ROBO2: variants seen among roughly 807,000 people sequenced by gnomAD.
The protein encoded by ROBO2 is roundabout guidance receptor 2, also known as roundabout homolog 2.
A neutral mutation model predicts 160.8 loss-of-function variants in ROBO2; 53 were observed. That is an observed-to-expected ratio of 0.33 (90% CI 0.26 to 0.41). The LOEUF (loss-of-function observed/expected upper bound fraction) is 0.41, where lower values mean the gene tolerates loss of function less well. Among genes scored for constraint, ROBO2 ranks in the 10% least tolerant of loss-of-function variants. ROBO2 has a pLI of 1.00. For missense variants in ROBO2, 1,577 were observed against 1,722.4 expected (o/e 0.92, Z 1.49); for synonymous variants, 664 against 611.7 (o/e 1.09, Z -1.26).
intron 2 of ROBO2, among the ~76,000 whole-genome samples, chr3:77,358,049 A>G (rs1004349360): frequency 1.3e-5 from 2 of 152,196 alleles, no homozygotes; most frequent in African/African-American, 4.8e-5. Flanking sequence ...ACACAGGTTT[A>G]TTGGTTTGCA....
chr3:77,430,268 G>A (rs2078638766), intron 2 of ROBO2, among the ~76,000 whole-genome samples: 1 of 152,096 alleles, frequency 6.6e-6, no homozygotes, highest in Admixed American at 6.5e-5. Flanking sequence ...GCTTGGAAAG[G>A]AAGGCTTTGT....
intron 2 of ROBO2, among the ~76,000 whole-genome samples, chr3:77,476,284 G>C (rs1582279628): frequency 6.6e-6 from 1 of 151,990 alleles, no homozygotes; most frequent in Admixed American, 6.6e-5. Flanking sequence ...ATCCCCAGTC[G>C]CGGCACATGA....
intron 2 of ROBO2, among the ~76,000 whole-genome samples, chr3:76,156,331 T>C (rs143473445): frequency 1.6e-3 from 241 of 152,298 alleles, no homozygotes; most frequent in African/African-American, 5.7e-3. Context: ...GTTATTTGTC[T>C]AGCCTACACA....
intron 2 of ROBO2, among the ~76,000 whole-genome samples, chr3:77,432,967 G>T (rs919051287): frequency 2.0e-5 from 3 of 152,160 alleles, no homozygotes; most frequent in Non-Finnish European, 4.4e-5. Context: ...GGATTGGATT[G>T]TTTCTTTTGG....
chr3:77,089,833 T>C (rs1019595792), intron 1 of ROBO2, among the ~76,000 whole-genome samples: 5 of 152,202 alleles, frequency 3.3e-5, no homozygotes, highest in Non-Finnish European at 7.3e-5. Context: ...CAAAGTAAGC[T>C]GGAATTTAAT....
At chr3:76,441,763 A>T (rs1381222883) in intron 2 of ROBO2, among the ~76,000 whole-genome samples, 2 of 152,216 alleles carry the variant, frequency 1.3e-5, no homozygotes, top group African/African-American at 4.8e-5. Flanking sequence ...GCCAATTTTC[A>T]TGTTAATAAT....
chr3:76,273,479 G>T (rs1440840095), intron 2 of ROBO2, among the ~76,000 whole-genome samples: 1 of 152,024 alleles, frequency 6.6e-6, no homozygotes, highest in African/African-American at 2.4e-5. Flanking sequence ...AAGAAAAGAG[G>T]TTTAATTGAC....
chr3:76,983,392 G>T (rs955780530), intron 2 of ROBO2, among the ~76,000 whole-genome samples: 1 of 152,108 alleles, frequency 6.6e-6, no homozygotes, highest in Non-Finnish European at 1.5e-5. Flanking sequence ...GGCATATGTT[G>T]CTTTCTTAAC....
chr3:77,596,881 T>C, intron 19 of ROBO2, 131 bp downstream of exon 20: 1 of 1,069,878 alleles, frequency 9.3e-7, no homozygotes, highest in South Asian at 1.4e-5. Flanking sequence ...ATGAAACATA[T>C]GCACTAACAG....
intron 4 of ROBO2, among the ~76,000 whole-genome samples, chr3:77,483,307 C>G (rs902935262): frequency 2.0e-5 from 3 of 151,832 alleles, no homozygotes; most frequent in African/African-American, 7.3e-5. Flanking sequence ...AAGGATGTGA[C>G]AAGTATTGCC....
intron 2 of ROBO2, among the ~76,000 whole-genome samples, chr3:77,313,951 A>G (rs1465980514): frequency 1.3e-5 from 2 of 152,208 alleles, no homozygotes; most frequent in Non-Finnish European, 2.9e-5. Flanking sequence ...CTTGGGCTAC[A>G]TGCCTATTTC....
intron 22 of ROBO2, chr3:77,618,106 G>T: frequency 3.0e-6 from 1 of 328,974 alleles, no homozygotes; most frequent in Non-Finnish European, 5.7e-6. Context: ...TCTAATTTAT[G>T]GTTTATCTTC....
rs370154353 is a variant in ROBO2, at chr3:76,043,222, C to T, written c.109+105620C>T. ...TTTGTCCATTAACGAACATCCCTTA[C>T]GTGTAAGAACATTTTGCCACTGTGC... On this transcript the variant is annotated intron_variant, in intron 2 of 26. Transcript: ENST00000487694. Among the ~76,000 whole-genome samples, 31 of 150,882 alleles carry T rather than the reference C, an allele frequency of 2.1e-4. No homozygotes were observed. The South Asian group carries it at 6.2e-3, about 30-fold the overall frequency.
intron 7 of ROBO2, among the ~76,000 whole-genome samples, chr3:77,546,714 G>A (rs567808813): frequency 1.6e-4 from 25 of 152,086 alleles, no homozygotes; most frequent in Admixed American, 5.9e-4. Context: ...CAAAATTATC[G>A]TTAAAAGTCC....
chr3:77,350,067 A>AT (rs1169393249), intron 2 of ROBO2, among the ~76,000 whole-genome samples: 4 of 128,842 alleles, frequency 3.1e-5, no homozygotes, highest in Non-Finnish European at 5.2e-5. Flanking sequence ...GGTACATTAA[A>AT]AAAAAATATA....
rs567605476 is a variant in ROBO2, at chr3:77,023,690, T to G, written c.110-74324T>G. On this transcript the variant is annotated intron_variant, in intron 2 of 26. Transcript: ENST00000487694. ...AGTAAGAAACCTAAGTACCTCCTTA[T>G]CAACACAGAATTCTTTTAAAATGCC... 9.2e-5 allele frequency among the ~76,000 whole-genome samples: 14 copies of G among 152,280 alleles called. No individual in the cohort carries two copies. The South Asian group carries it at 2.3e-3, about 25-fold the overall frequency.
intron 2 of ROBO2, among the ~76,000 whole-genome samples, chr3:76,153,657 A>G (rs2072291601): frequency 6.6e-6 from 1 of 152,130 alleles, no homozygotes; most frequent in Admixed American, 6.6e-5. Flanking sequence ...CTTAACATAA[A>G]ATGGGTTTGT....
intron 2 of ROBO2, among the ~76,000 whole-genome samples, chr3:76,690,608 AGACT>A (rs2092780679): frequency 6.6e-6 from 1 of 152,074 alleles, no homozygotes. Context: ...ACAGCAACAC[AGACT>A]AAGACAGTCC....
chr3:76,504,689 A>G (rs973148305), intron 2 of ROBO2, among the ~76,000 whole-genome samples: 7 of 151,450 alleles, frequency 4.6e-5, no homozygotes, highest in Non-Finnish European at 8.8e-5. Context: ...CACCACGCCC[A>G]GCTAATTTTT....
Sources: allele counts gnomAD v4.1 joint callset (sites outside exome capture counted in the v4.1 genomes callset), GRCh38; gene constraint gnomAD v4.1.1; transcripts MANE v1.5; gene names NCBI Gene and HGNC (gene_info 2026-07-23, HGNC 2026-07-21).